Variants in CDH9 observed in about 807,000 individuals in gnomAD.
CDH9 encodes the protein cadherin 9.
CDH9 carries 28 observed loss-of-function variants against 70.9 expected under a neutral mutation model. The observed-to-expected ratio is 0.40, with a 90% CI of 0.29 to 0.54. The LOEUF (loss-of-function observed/expected upper bound fraction) is 0.54, where lower values mean the gene tolerates loss of function less well. Among genes scored for constraint, CDH9 ranks in the 20% least tolerant of loss-of-function variants. CDH9 has a pLI of 0.59. For missense variants in CDH9, 874 were observed against 984.4 expected (o/e 0.89, Z 1.50); for synonymous variants, 409 against 343.1 (o/e 1.19, Z -2.12).
intron 3 of CDH9, 94 bp from the exon 4 acceptor site, chr5:26,906,932 A>G (rs1195342599): frequency 7.2e-7 from 1 of 1,390,904 alleles, no homozygotes; most frequent in East Asian, 2.5e-5. Flanking sequence ...AGTGTTTTGT[A>G]TTAGACGATG....
chr5:26,938,830 C>G (rs1385729765), intron 2 of CDH9, among the ~76,000 whole-genome samples: 1 of 151,988 alleles, frequency 6.6e-6, no homozygotes, highest in Non-Finnish European at 1.5e-5. Context: ...ATTATATCAA[C>G]TACAAAAGTC....
intron 2 of CDH9, among the ~76,000 whole-genome samples, chr5:26,974,840 G>T (rs1416095717): frequency 6.6e-6 from 1 of 151,936 alleles, no homozygotes; most frequent in Non-Finnish European, 1.5e-5. Flanking sequence ...GTGCGTGTGT[G>T]TTGAGAAAAC....
At chr5:27,029,289 T>C (rs1743272136) in intron 1 of CDH9, among the ~76,000 whole-genome samples, 1 of 152,058 alleles carries the variant, frequency 6.6e-6, no homozygotes, top group African/African-American at 2.4e-5. Flanking sequence ...ACAGGGTTAG[T>C]TCCTGGTAGG....
intron 2 of CDH9, among the ~76,000 whole-genome samples, chr5:26,987,883 C>T (rs567602986): frequency 6.6e-6 from 1 of 152,098 alleles, no homozygotes; most frequent in African/African-American, 2.4e-5. Context: ...CACATCCATC[C>T]ACATATGACT....
chr5:26,890,489 C>A lies in CDH9; in HGVS notation c.1329G>T (p.Leu443Phe). 1 of 1,612,494 alleles carries A rather than the reference C, an allele frequency of 6.2e-7. No individual in the cohort carries two copies. Among genetic ancestry groups the A allele is most frequent in the Non-Finnish European group, 8.5e-7 (1 of 1,178,642 alleles). The change falls in exon 8 of 12, where the codon TTG (leucine) becomes TTT (phenylalanine). Residue 443 changes from leucine to phenylalanine, a missense_variant. Coordinates refer to ENST00000231021, the MANE Select transcript of CDH9 (RefSeq NM_016279.4). ...IHSENGSIFT[L>F]KALDRESSPW... The stretch of plus-strand genomic sequence containing the variant: ...GAGATGATTCCCGGTCAAGGGCTTT[C>A]AAAGTGAAAATAGAACCATTTTCTG...
At chr5:26,941,294 A>G (rs1741658020) in intron 2 of CDH9, among the ~76,000 whole-genome samples, 1 of 152,184 alleles carries the variant, frequency 6.6e-6, no homozygotes, top group East Asian at 1.9e-4. Context: ...TACATTTGCT[A>G]TGTCATCAAC....
intron 2 of CDH9, among the ~76,000 whole-genome samples, chr5:26,983,550 C>T (rs919338): frequency 0.5 from 75,170 of 151,548 alleles, 19,646 homozygotes; most frequent in African/African-American, 0.6. Flanking sequence ...GTGTTAAACT[C>T]GCCTCAGTAT....
chr5:26,944,446 T>A (rs10050598), intron 2 of CDH9, among the ~76,000 whole-genome samples: 7,803 of 151,388 alleles, frequency 0.052, 681 homozygotes, highest in African/African-American at 0.18. Flanking sequence ...AGTCCAGGAG[T>A]TTCAGATCAG....
At chr5:27,011,584 A>T (rs994637188) in intron 1 of CDH9, among the ~76,000 whole-genome samples, 1 of 152,028 alleles carries the variant, frequency 6.6e-6, no homozygotes, top group African/African-American at 2.4e-5. Context: ...CTGCTGTTTT[A>T]AGCCACCTAG....
chr5:27,029,136 T>C (rs955462941), intron 1 of CDH9, among the ~76,000 whole-genome samples: 9 of 151,998 alleles, frequency 5.9e-5, no homozygotes, highest in Non-Finnish European at 1.3e-4. Flanking sequence ...TTTTTTTCTA[T>C]ACGAAGCTTT....
intron 1 of CDH9, among the ~76,000 whole-genome samples, chr5:27,038,102 A>G (rs552097389): frequency 6.6e-6 from 1 of 152,134 alleles, no homozygotes; most frequent in East Asian, 2.0e-4. Context: ...AATCACATAC[A>G]TGAACACATA....
At chr5:26,952,385 C>A (rs1422226930) in intron 2 of CDH9, among the ~76,000 whole-genome samples, 3 of 134,148 alleles carry the variant, frequency 2.2e-5, no homozygotes, top group Non-Finnish European at 4.7e-5. Context: ...GAGGCCGAGG[C>A]GGGCAGATCA....
At chr5:27,027,382 T>G (rs1392752482) in intron 1 of CDH9, among the ~76,000 whole-genome samples, 1 of 152,052 alleles carries the variant, frequency 6.6e-6, no homozygotes, top group African/African-American at 2.4e-5. Flanking sequence ...GCCACTGTCC[T>G]ACTTTTGTAT....
intron 2 of CDH9, among the ~76,000 whole-genome samples, chr5:26,953,312 T>C (rs1421719730): frequency 6.6e-6 from 1 of 152,202 alleles, no homozygotes; most frequent in African/African-American, 2.4e-5. Context: ...TACAAAAATA[T>C]TTTCTAAAAA....
intron 1 of CDH9, among the ~76,000 whole-genome samples, chr5:27,026,581 CT>C (rs1189171394): frequency 2.0e-5 from 3 of 151,728 alleles, no homozygotes; most frequent in Non-Finnish European, 4.4e-5. Context: ...TAGAAAATAC[CT>C]TCTTGTGATT....
chr5:26,998,593 C>G (rs111545792), intron 1 of CDH9, among the ~76,000 whole-genome samples: 78,897 of 151,286 alleles, frequency 0.52, 22,051 homozygotes, highest in African/African-American at 0.69. Flanking sequence ...GGTGGGGAGA[C>G]GGGGGAGGGA....
At chr5:26,888,240 G>A (rs904757506) in intron 9 of CDH9, among the ~76,000 whole-genome samples, 3 of 152,174 alleles carry the variant, frequency 2.0e-5, no homozygotes, top group South Asian at 4.1e-4. Context: ...CCTAGTTTAC[G>A]ACAGATTTGG....
chr5:26,891,902 CAG>C (rs1326941648), intron 7 of CDH9, among the ~76,000 whole-genome samples: 1 of 152,088 alleles, frequency 6.6e-6, no homozygotes, highest in East Asian at 1.9e-4. Context: ...AGCAAGGAAA[CAG>C]GGGCCTTCCC....
intron 2 of CDH9, among the ~76,000 whole-genome samples, chr5:26,959,616 T>C (rs115797203): frequency 2.1e-3 from 316 of 152,204 alleles, no homozygotes; most frequent in Non-Finnish European, 4.0e-3. Context: ...TATCAATGGA[T>C]GAATGGCTGA....
Sources: gnomAD v4.1 joint callset for allele counts (sites outside exome capture counted in the v4.1 genomes callset) on GRCh38, gnomAD v4.1.1 for gene constraint, MANE v1.5 for transcripts, NCBI Gene and HGNC (gene_info 2026-07-23, HGNC 2026-07-21) for gene names.